The following MCPH1 variants were observed in gnomAD, a reference collection of about 807,000 sequenced individuals.
The protein encoded by MCPH1 is microcephalin 1.
MCPH1 carries 104 observed loss-of-function variants against 84.5 expected under a neutral mutation model. The ratio of observed to expected loss-of-function variants is 1.23; its 90% CI spans 1.05 to 1.45. The LOEUF is 1.45. Among genes scored for constraint, MCPH1 ranks in the 40% most tolerant of loss-of-function variants. The pLI is 0.00. For synonymous variants in MCPH1, 514 were observed against 366.8 expected (o/e 1.40, Z -4.58); for missense variants, 1,498 against 1,005.7 (o/e 1.49, Z -6.62).
In MCPH1 at chr8:6,621,502, C is replaced by G. The variant is rs1399874810; in HGVS notation, c.2263C>G (p.Leu755Val). The G allele has an allele frequency of 1.2e-6, 2 of 1,614,186 alleles. No individual in the cohort carries two copies. The change falls in exon 13 of 14, where the codon CTC becomes GTC. Residue 755 changes from leucine to valine, a missense_variant. Leu to Val is a conservative substitution (Grantham distance 32). Transcript: ENST00000344683. ...GTCTGCAGGGCCGTACCGCGGAACC[C>G]TCTTTGCCGACCAGCCAGCGATGTT... ...HLSAGPYRGTLFADQPAMFVS... is the reference protein window; with the variant it reads ...HLSAGPYRGTVFADQPAMFVS...
chr8:6,521,170 A>T lies in MCPH1; in HGVS notation c.2214+21241A>T, dbSNP rs963496. On this transcript the variant is annotated intron_variant, in intron 12 of 13. Coordinates refer to ENST00000344683, the MANE Select transcript of MCPH1 (RefSeq NM_024596.5). Reference sequence around the variant, plus strand: ...TAACGCTGAAGAAAGCATGATATGTAAACTTACAGTTTGATGTGGACATCA... The same window carrying T: ...TAACGCTGAAGAAAGCATGATATGTTAACTTACAGTTTGATGTGGACATCA... 4 of 1,607,378 alleles carry T rather than the reference A, an allele frequency of 2.5e-6. No individual in the cohort carries two copies. In the East Asian group the frequency reaches 8.9e-5, roughly 36 times the overall value.
chr8:6,501,860 G>C (rs950294828), intron 12 of MCPH1: 1 of 150,680 alleles, frequency 6.6e-6, no homozygotes, highest in East Asian at 1.9e-4. Flanking sequence ...CCAGCCCTGT[G>C]TTCTCAAATT....
At chr8:6,521,588 A>C (rs1406644544) in intron 12 of MCPH1, among the ~76,000 whole-genome samples, 1 of 152,220 alleles carries the variant, frequency 6.6e-6, no homozygotes, top group African/African-American at 2.4e-5. Flanking sequence ...AGATATATAA[A>C]TGTGTGTATA....
intron 9 of MCPH1, chr8:6,473,936 T>C: frequency 6.8e-7 from 1 of 1,461,430 alleles, no homozygotes; most frequent in Non-Finnish European, 9.4e-7. Context: ...GGGCAGCCGA[T>C]GCACAACTTC....
chr8:6,619,168 G>T (rs1831154481), intron 12 of MCPH1: 1 of 152,260 alleles, frequency 6.6e-6, no homozygotes, highest in South Asian at 2.1e-4. Context: ...ACATGGCCAG[G>T]TGGAGATCGG....
intron 13 of MCPH1, among the ~76,000 whole-genome samples, chr8:6,638,831 G>GA (rs1318838785): frequency 1.3e-5 from 2 of 152,166 alleles, no homozygotes; most frequent in African/African-American, 4.8e-5. Context: ...TTACAGTTAG[G>GA]AACGTGGGGC....
chr8:6,473,669 A>G (rs1197550019), intron 9 of MCPH1, among the ~76,000 whole-genome samples: 1 of 152,106 alleles, frequency 6.6e-6, no homozygotes, highest in Non-Finnish European at 1.5e-5. Context: ...GTTGTATTTC[A>G]TATGTTTAGC....
At chr8:6,415,500 C>G (rs1379395515) in intron 3 of MCPH1, among the ~76,000 whole-genome samples, 1 of 151,860 alleles carries the variant, frequency 6.6e-6, no homozygotes, top group Non-Finnish European at 1.5e-5. Flanking sequence ...ATTACAGGCA[C>G]GCACCACCAT....
At chr8:6,446,308 C>T (rs886544971) in intron 8 of MCPH1, 41 of 985,124 alleles carry the variant, frequency 4.2e-5, no homozygotes, top group Non-Finnish European at 4.6e-5. Context: ...CCGTCTTTAC[C>T]TAAAGATTAG....
chr8:6,498,442 A>C (rs2129562093), intron 11 of MCPH1, among the ~76,000 whole-genome samples: 1 of 152,326 alleles, frequency 6.6e-6, no homozygotes, highest in Non-Finnish European at 1.5e-5. Flanking sequence ...ATGCAATATT[A>C]ATTCCTGGGA....
chr8:6,624,862 A>G, intron 13 of MCPH1: 1 of 984,822 alleles, frequency 1.0e-6, no homozygotes, highest in Non-Finnish European at 1.2e-6. Flanking sequence ...CTAACCAGAA[A>G]CAAATCATAT....
chr8:6,567,038 G>T (rs1479617806), intron 12 of MCPH1, among the ~76,000 whole-genome samples: 2 of 149,088 alleles, frequency 1.3e-5, no homozygotes, highest in Admixed American at 6.6e-5. Flanking sequence ...CGGTGACCAT[G>T]TGTGATCGGC....
chr8:6,509,450 A>G (rs999108192), intron 12 of MCPH1, among the ~76,000 whole-genome samples: 2 of 152,188 alleles, frequency 1.3e-5, no homozygotes, highest in Non-Finnish European at 2.9e-5. Flanking sequence ...ACAACCTCAA[A>G]CATTATTTTC....
chr8:6,433,656 C>A (rs7821173), intron 4 of MCPH1, among the ~76,000 whole-genome samples: 21,046 of 124,582 alleles, frequency 0.17, 2,622 homozygotes, highest in African/African-American at 0.31. Context: ...AAAAAAAAAA[C>A]CTATTTCGTG....
chr8:6,422,243 G>T (rs1001271368), intron 3 of MCPH1, among the ~76,000 whole-genome samples: 1 of 152,188 alleles, frequency 6.6e-6, no homozygotes, highest in Non-Finnish European at 1.5e-5. Flanking sequence ...CATAGTAGAT[G>T]CTCAGTAAAT....
chr8:6,497,398 G>A (rs931327617), intron 11 of MCPH1, among the ~76,000 whole-genome samples: 1 of 152,148 alleles, frequency 6.6e-6, no homozygotes, highest in South Asian at 2.1e-4. Flanking sequence ...AGCTACACAG[G>A]AGGCTGAGTC....
chr8:6,580,586 C>T (rs940359225), intron 12 of MCPH1, among the ~76,000 whole-genome samples: 7 of 152,098 alleles, frequency 4.6e-5, no homozygotes, highest in Admixed American at 1.3e-4. Context: ...GGGAGGCAGA[C>T]GTTGCAGTGA....
intron 12 of MCPH1, chr8:6,527,529 T>C: frequency 1.9e-6 from 3 of 1,608,926 alleles, no homozygotes; most frequent in Non-Finnish European, 2.5e-6. Context: ...AGTCCTGAAT[T>C]ATAAATGTTT....
At chr8:6,642,818 C>T (rs990996746) in intron 13 of MCPH1, 176 bp from the exon 14 acceptor site, 23 of 671,514 alleles carry the variant, frequency 3.4e-5, no homozygotes, top group Middle Eastern at 3.4e-4. Flanking sequence ...TATTGAATTT[C>T]GTTTCACGTT....
Sources: gnomAD v4.1 joint callset for allele counts (sites outside exome capture counted in the v4.1 genomes callset) on GRCh38, gnomAD v4.1.1 for gene constraint, MANE v1.5 for transcripts, NCBI Gene and HGNC (gene_info 2026-07-23, HGNC 2026-07-21) for gene names.